The following ADGRL2 variants were observed in gnomAD, a reference collection of about 807,000 sequenced individuals.
ADGRL2 encodes the protein calcium-independent alpha-latrotoxin receptor 2.
In ADGRL2, 44 loss-of-function variants were observed where a neutral mutation model predicts 157.4. That is an observed-to-expected ratio of 0.28 (90% CI 0.22 to 0.36). The LOEUF (loss-of-function observed/expected upper bound fraction) is 0.36, where lower values mean the gene tolerates loss of function less well. ADGRL2 is among the 10% of genes least tolerant of loss of function. The pLI, the probability that ADGRL2 is intolerant of heterozygous loss-of-function variation, is 1.00. For missense variants in ADGRL2, 1,510 were observed against 1,768.9 expected (o/e 0.85, Z 2.63); for synonymous variants, 585 against 624.7 (o/e 0.94, Z 0.95).
chr1:81,966,477 A>G lies in ADGRL2; in HGVS notation c.2217A>G (p.Lys739=). The part of the protein sequence containing the change: ...QFLSTENATI[K]LGADFIGRNS... Reference sequence around the variant, plus strand: ...TTAGTACAGAAAATGCAACCATTAAACTGGGTGCTGATTTTATTGGTCGTA... The same window carrying G: ...TTAGTACAGAAAATGCAACCATTAAGCTGGGTGCTGATTTTATTGGTCGTA... The change falls in exon 13 of 24, where the codon AAA becomes AAG. Residue 739 remains lysine (K), a synonymous_variant. Coordinates refer to ENST00000686636, the MANE Select transcript of ADGRL2 (RefSeq NM_001366006.2). 6.2e-7 allele frequency: 1 copy of G among 1,614,064 alleles called. No homozygotes were observed. Among genetic ancestry groups the G allele is most frequent in the Admixed American group, 1.7e-5 (1 of 60,018 alleles).
intron 3 of ADGRL2, among the ~76,000 whole-genome samples, chr1:81,642,346 G>A (rs1285406717): frequency 6.6e-6 from 1 of 150,980 alleles, no homozygotes; most frequent in Non-Finnish European, 1.5e-5. Flanking sequence ...CTTGAACCCA[G>A]GAGGCAGAGG....
rs140594198 is a variant in ADGRL2, at chr1:81,367,466, T to C, written c.-302+60957T>C. ...GCTCCCACTTATAAATGAGAACATG[T>C]GGTGTTTGGTTTTCTGTTCCTGGGT... On this transcript the variant is annotated intron_variant, in intron 1 of 24. Transcript: ENST00000370721. Among the ~76,000 whole-genome samples, 612 of 152,286 alleles carry C rather than the reference T, an allele frequency of 4.0e-3. 4 individuals are homozygous for C. The highest frequency in any genetic ancestry group is 0.013 in the African/African-American group (550 of 41,566).
At chr1:81,423,250 T>C (rs1293285325) in intron 1 of ADGRL2, among the ~76,000 whole-genome samples, 1 of 152,200 alleles carries the variant, frequency 6.6e-6, no homozygotes, top group Non-Finnish European at 1.5e-5. Flanking sequence ...GTTATCCCCA[T>C]GTTACCTGCT....
intron 2 of ADGRL2, among the ~76,000 whole-genome samples, chr1:81,463,635 G>C (rs114423782): frequency 6.6e-6 from 1 of 152,164 alleles, no homozygotes; most frequent in Non-Finnish European, 1.5e-5. Flanking sequence ...TGTTTTATGT[G>C]TCGTGGATTC....
At chr1:81,410,326 G>A (rs1557668225) in intron 1 of ADGRL2, among the ~76,000 whole-genome samples, 1 of 152,152 alleles carries the variant, frequency 6.6e-6, no homozygotes, top group African/African-American at 2.4e-5. Flanking sequence ...CTTCTTTAAA[G>A]GATGCAGTAG....
chr1:81,397,017 C>T (rs1169486027), intron 1 of ADGRL2, among the ~76,000 whole-genome samples: 1 of 152,114 alleles, frequency 6.6e-6, no homozygotes, highest in Non-Finnish European at 1.5e-5. Context: ...ATTCTTTCCT[C>T]TTCAGTTTTC....
intron 1 of ADGRL2, among the ~76,000 whole-genome samples, chr1:81,435,931 T>C (rs1243927141): frequency 6.6e-6 from 1 of 152,110 alleles, no homozygotes; most frequent in East Asian, 1.9e-4. Context: ...ACCCCATCTC[T>C]ACTAAAAATA....
chr1:81,882,982 T>C (rs551547914), intron 2 of ADGRL2, among the ~76,000 whole-genome samples: 29 of 152,202 alleles, frequency 1.9e-4, no homozygotes, highest in Non-Finnish European at 3.7e-4. Context: ...CTATGTTTTA[T>C]TGACAGCATT....
rs959807410 is a variant in ADGRL2, at chr1:81,467,898, TA to T, written c.-248+22818del. 5.2e-3 allele frequency among the ~76,000 whole-genome samples: 781 copies of T among 151,570 alleles called. 1 individual carries two copies. Among genetic ancestry groups the T allele is most frequent in the African/African-American group, 0.012 (483 of 41,382 alleles). ...GAAGTATAAATTAATCTTTTCAAATTAAAAAAAAATCAGAATTGAAATTAGT... is the reference window on the plus strand; with the variant it reads ...GAAGTATAAATTAATCTTTTCAAATTAAAAAAAATCAGAATTGAAATTAGT... On this transcript the variant is annotated intron_variant, in intron 2 of 24. Coordinates refer to the ADGRL2 transcript ENST00000370721.
At chr1:81,597,741 C>A (rs1235265200) in intron 3 of ADGRL2, among the ~76,000 whole-genome samples, 2 of 152,118 alleles carry the variant, frequency 1.3e-5, no homozygotes, top group Admixed American at 1.3e-4. Flanking sequence ...GCATTTCATA[C>A]CCCCAATAAA....
At chr1:81,339,136 A>G (rs1661871056) in intron 1 of ADGRL2, among the ~76,000 whole-genome samples, 1 of 152,188 alleles carries the variant, frequency 6.6e-6, no homozygotes, top group Non-Finnish European at 1.5e-5. Context: ...TTTGTTGAGC[A>G]TTGATATGTA....
At chr1:81,775,216 T>C (rs746142580) in intron 2 of ADGRL2, among the ~76,000 whole-genome samples, 1 of 151,834 alleles carries the variant, frequency 6.6e-6, no homozygotes, top group Non-Finnish European at 1.5e-5. Context: ...AACTTAATAC[T>C]CTGAAAAAAA....
At chr1:81,550,803 C>T (rs2080127135) in intron 2 of ADGRL2, among the ~76,000 whole-genome samples, 2 of 150,988 alleles carry the variant, frequency 1.3e-5, no homozygotes, top group East Asian at 1.9e-4. Context: ...AGCATATATG[C>T]TTTCCGTTCT....
Position 81,838,898 on chromosome 1 carries a change from A to G in ADGRL2, c.73+1841A>G, listed in dbSNP as rs534046256. ...ATTGCTTCTGAAGCACTTCCCTCCT[A>G]CGGGTAAAAAGAACCTGGGACGAAC... On this transcript the variant is annotated intron_variant, in intron 2 of 23. Coordinates refer to ENST00000686636, the MANE Select transcript of ADGRL2 (RefSeq NM_001366006.2). Among the ~76,000 whole-genome samples the G allele has an allele frequency of 1.1e-4, 16 of 152,120 alleles. No homozygotes were observed. The South Asian group carries it at 3.1e-3, about 30-fold the overall frequency.
At chr1:81,614,295 C>G (rs1316250996) in intron 3 of ADGRL2, among the ~76,000 whole-genome samples, 1 of 152,158 alleles carries the variant, frequency 6.6e-6, no homozygotes, top group Non-Finnish European at 1.5e-5. Context: ...AGATGTTACT[C>G]GATGAGACAC....
intron 1 of ADGRL2, among the ~76,000 whole-genome samples, chr1:81,372,787 A>G (rs1369260148): frequency 6.6e-6 from 1 of 152,212 alleles, no homozygotes; most frequent in Non-Finnish European, 1.5e-5. Context: ...GTCTACTTAT[A>G]TGTCTGACCC....
At chr1:81,839,994 C>T (rs777462011) in intron 2 of ADGRL2, among the ~76,000 whole-genome samples, 3 of 126,094 alleles carry the variant, frequency 2.4e-5, no homozygotes, top group Non-Finnish European at 3.7e-5. Context: ...TTTATCCACT[C>T]GTTGATTGAT....
At chr1:81,801,541 CT>C (rs1226568628) in intron 1 of ADGRL2, among the ~76,000 whole-genome samples, 8 of 152,344 alleles carry the variant, frequency 5.3e-5, no homozygotes, top group Admixed American at 1.3e-4. Flanking sequence ...CCCTCCGCTG[CT>C]GTGTGTGGCG....
At chr1:81,524,450 T>C (rs1173597900) in intron 2 of ADGRL2, among the ~76,000 whole-genome samples, 2 of 152,328 alleles carry the variant, frequency 1.3e-5, no homozygotes, top group East Asian at 1.9e-4. Flanking sequence ...TGAGAATCTA[T>C]TTAGGATTAT....
Sources: allele counts gnomAD v4.1 joint callset (sites outside exome capture counted in the v4.1 genomes callset), GRCh38; gene constraint gnomAD v4.1.1; transcripts MANE v1.5; gene names NCBI Gene and HGNC (gene_info 2026-07-23, HGNC 2026-07-21).